Variants in ACACA observed in about 807,000 individuals in gnomAD.
ACACA encodes the protein acetyl-CoA carboxylase alpha.
In ACACA, 103 loss-of-function variants were observed where a neutral mutation model predicts 296.1. That is an observed-to-expected ratio of 0.35 (90% confidence interval 0.30 to 0.41). The LOEUF (loss-of-function observed/expected upper bound fraction) is 0.41, where lower values mean the gene tolerates loss of function less well. Ranked by LOEUF, ACACA falls within the 10% of genes least tolerant of loss-of-function variation. ACACA has a pLI of 1.00. For synonymous variants in ACACA, 953 were observed against 1,038.6 expected, an observed-to-expected ratio of 0.92 and a Z score of 1.58; for missense variants, 1,554 against 2,989.7, an observed-to-expected ratio of 0.52 and a Z score of 11.20.
At chr17:37,141,509 C>T (rs1385357820) in intron 45 of ACACA, 5 of 226,008 alleles carry the variant, frequency 2.2e-5, no homozygotes, top group South Asian at 1.3e-4. Context: ...CTCAAGCCAT[C>T]CTCCTTCCTT....
intron 46 of ACACA, among the ~76,000 whole-genome samples, chr17:37,129,816 C>A (rs986160678): frequency 6.6e-6 from 1 of 152,166 alleles, no homozygotes; most frequent in African/African-American, 2.4e-5. Context: ...ATACTGGGAT[C>A]TGAGCCTTAG....
intron 21 of ACACA, 32 bp from the exon 22 acceptor site, chr17:37,243,591 A>C: frequency 6.3e-7 from 1 of 1,599,000 alleles, no homozygotes; most frequent in Non-Finnish European, 8.6e-7. Context: ...AATAGGACCC[A>C]AGTTAACACA....
rs1299599088 is a variant in ACACA, at chr17:37,086,746, A to G, written c.*570T>C. On this transcript the variant is annotated 3_prime_UTR_variant, in exon 56 of 56. Coordinates refer to ENST00000616317, the MANE Select transcript of ACACA (RefSeq NM_198834.3). ...GAGCTTGTAGTAGATTTTATGCTCT[A>G]ATTTTTCTTCATAAAAGGTACCGTA... 1.9e-5 allele frequency: 3 copies of G among 157,778 alleles called. No homozygotes were observed. The highest frequency in any genetic ancestry group is 4.2e-5 in the Non-Finnish European group (3 of 70,988). The allele number at this position is 157,778 out of a possible 1,614,324, so 9.8% of individuals were successfully genotyped here. A position where few individuals can be genotyped will look rare whatever the true frequency, so the allele number is the denominator to read the frequency against.
At chr17:37,161,224 G>T (rs1173517534) in intron 42 of ACACA, among the ~76,000 whole-genome samples, 1 of 152,184 alleles carries the variant, frequency 6.6e-6, no homozygotes, top group African/African-American at 2.4e-5. Flanking sequence ...GAGATTCAAA[G>T]ATGGGATTTT....
chr17:37,200,755 C>G (rs1385645687), intron 33 of ACACA, among the ~76,000 whole-genome samples: 1 of 152,172 alleles, frequency 6.6e-6, no homozygotes, highest in African/African-American at 2.4e-5. Context: ...TAAATTACCT[C>G]AGAACTGATT....
intron 29 of ACACA, among the ~76,000 whole-genome samples, chr17:37,211,321 T>C (rs1040512517): frequency 6.6e-6 from 1 of 152,124 alleles, no homozygotes; most frequent in Non-Finnish European, 1.5e-5. Flanking sequence ...ATAAAGAATG[T>C]GCCAAATCAT....
At chr17:37,107,443 C>A (rs1277057044) in intron 52 of ACACA, among the ~76,000 whole-genome samples, 2 of 152,196 alleles carry the variant, frequency 1.3e-5, no homozygotes, top group Non-Finnish European at 2.9e-5. Flanking sequence ...GGAAGGCATT[C>A]CTGAAGATTT....
At chr17:37,202,668 C>CAAAT (rs2078303828) in intron 33 of ACACA, among the ~76,000 whole-genome samples, 1 of 71,188 alleles carries the variant, frequency 1.4e-5, no homozygotes, top group African/African-American at 5.0e-5. Context: ...CCTTTTCTTT[C>CAAAT]ATATATATAT....
At chr17:37,249,853 G>A (rs886417511) in intron 16 of ACACA, among the ~76,000 whole-genome samples, 6 of 152,178 alleles carry the variant, frequency 3.9e-5, no homozygotes, top group African/African-American at 2.4e-5. Flanking sequence ...ATTCTCTTGT[G>A]GTGTGGGACG....
rs1486856276 is a variant in ACACA at position 37,153,538 on chromosome 17, C to A, written c.5448-2117G>T. Among the ~76,000 whole-genome samples, 5 of 152,216 alleles carry A rather than the reference C, an allele frequency of 3.3e-5. No individual in the cohort carries two copies. In the East Asian group the frequency reaches 9.6e-4, roughly 29 times the overall value. ...GTTTCTGTGAAAACTCAATGAAGAA[C>A]AAGAAATGTGGGTGGCTATATCCAA... On this transcript the variant is annotated intron_variant, in intron 43 of 55. Coordinates refer to ENST00000616317, the MANE Select transcript of ACACA (RefSeq NM_198834.3).
intron 3 of ACACA, among the ~76,000 whole-genome samples, chr17:37,317,097 T>C (rs992797783): frequency 6.7e-6 from 1 of 149,808 alleles, no homozygotes; most frequent in Admixed American, 6.7e-5. Context: ...AAAAAAAGAT[T>C]TGCAATGACA....
chr17:37,319,756 G>T (rs372791244), intron 3 of ACACA, among the ~76,000 whole-genome samples: 18 of 151,976 alleles, frequency 1.2e-4, no homozygotes, highest in East Asian at 1.2e-3. Context: ...TTCAAAACCA[G>T]CCTGGCCAAG....
At chr17:37,226,211 A>G (rs2079537767) in intron 26 of ACACA, 128 bp downstream of exon 26, 1 of 818,300 alleles carries the variant, frequency 1.2e-6, no homozygotes, top group Non-Finnish European at 2.2e-6. Context: ...TGTTCTGAGG[A>G]AAACGTGACA....
chr17:37,349,170 C>T (rs182588514), intron 1 of ACACA, among the ~76,000 whole-genome samples: 4 of 150,076 alleles, frequency 2.7e-5, no homozygotes, highest in African/African-American at 7.3e-5. Flanking sequence ...AAGCAATTAT[C>T]GTGCCTCAGC....
intron 25 of ACACA, among the ~76,000 whole-genome samples, chr17:37,231,470 T>C (rs2079857125): frequency 6.6e-6 from 1 of 152,226 alleles, no homozygotes; most frequent in South Asian, 2.1e-4. Flanking sequence ...AGTTTAACAA[T>C]TGTTAATATC....
rs1306156533 is a variant in ACACA at position 37,161,951 on chromosome 17, A to C, written c.5179T>G (p.Ser1727Ala). Reference sequence around the variant, plus strand: ...AACAAATCCTCTTGAGGCCCAAAGGACCCAATTCGGTATGTGATGTCATTG... The same window carrying C: ...AACAAATCCTCTTGAGGCCCAAAGGCCCCAATTCGGTATGTGATGTCATTG... ...IGNDITYRIG[S>A]FGPQEDLLFL... The change falls in exon 42 of 56, where the codon TCC becomes GCC. Residue 1727 changes from serine (S) to alanine (A), a missense_variant. This residue lies in a region of ACACA where 553 missense variants were observed against 1,043.6 expected (regional missense o/e 0.53). Coordinates refer to ENST00000616317, the MANE Select transcript of ACACA (RefSeq NM_198834.3). 4 of 1,614,016 alleles carry C rather than the reference A, an allele frequency of 2.5e-6. No homozygotes were observed.
intron 3 of ACACA, among the ~76,000 whole-genome samples, chr17:37,294,072 T>G (rs1310555415): frequency 1.3e-5 from 2 of 151,974 alleles, no homozygotes; most frequent in Admixed American, 6.6e-5. Flanking sequence ...TATTTTTTTT[T>G]GCCAATAACT....
At chr17:37,152,679 T>C (rs1597989471) in intron 43 of ACACA, among the ~76,000 whole-genome samples, 1 of 151,944 alleles carries the variant, frequency 6.6e-6, no homozygotes, top group Non-Finnish European at 1.5e-5. Context: ...AAATGGGAGA[T>C]GGGGAATGCA....
At chr17:37,353,055 G>A (rs1022387223) in intron 1 of ACACA, among the ~76,000 whole-genome samples, 4 of 152,082 alleles carry the variant, frequency 2.6e-5, no homozygotes, top group African/African-American at 9.7e-5. Context: ...GTGGAAAACT[G>A]GAAAAGAAAA....
Sources: allele counts gnomAD v4.1 joint callset (sites outside exome capture counted in the v4.1 genomes callset), GRCh38; gene constraint gnomAD v4.1.1; regional missense constraint gnomAD v4.1.1; transcripts MANE v1.5; gene names NCBI Gene and HGNC (gene_info 2026-07-23, HGNC 2026-07-21).